The following RABEP1 variants were observed in gnomAD, a reference collection of about 807,000 sequenced individuals.
RABEP1 encodes rab GTPase-binding effector protein 1.
A neutral mutation model predicts 123.4 loss-of-function variants in RABEP1; 51 were observed. The ratio of observed to expected loss-of-function variants is 0.41; its 90% CI spans 0.33 to 0.52. The LOEUF is 0.52. RABEP1 is among the 20% of genes least tolerant of loss of function. The pLI is 0.16. For missense variants in RABEP1, 888 were observed against 996.3 expected (o/e 0.89, Z 1.46); for synonymous variants, 347 against 355.2 (o/e 0.98, Z 0.26).
intron 13 of RABEP1, among the ~76,000 whole-genome samples, chr17:5,374,144 G>C (rs1910779508): frequency 6.6e-6 from 1 of 152,064 alleles, no homozygotes; most frequent in African/African-American, 2.4e-5. Flanking sequence ...TCTGCTCACT[G>C]CAACCTCCGC....
intron 1 of RABEP1, among the ~76,000 whole-genome samples, chr17:5,286,324 T>A (rs1039648346): frequency 6.6e-6 from 1 of 152,102 alleles, no homozygotes; most frequent in Non-Finnish European, 1.5e-5. Context: ...TGAAACCCCA[T>A]CTCTACTAAA....
chr17:5,319,627 T>C (rs575106942), intron 2 of RABEP1, among the ~76,000 whole-genome samples: 8 of 152,178 alleles, frequency 5.3e-5, no homozygotes, highest in African/African-American at 1.9e-4. Flanking sequence ...CCTCCCAAAG[T>C]GTTGGGATTA....
intron 8 of RABEP1, among the ~76,000 whole-genome samples, chr17:5,358,603 G>A (rs1031029127): frequency 1.1e-4 from 16 of 151,804 alleles, no homozygotes; most frequent in Admixed American, 2.0e-4. Context: ...CTCAGGAGAC[G>A]GAGGCTGCAA....
chr17:5,365,606 C>G (rs925788526), intron 11 of RABEP1, among the ~76,000 whole-genome samples: 8 of 151,936 alleles, frequency 5.3e-5, no homozygotes, highest in Non-Finnish European at 2.9e-5. Flanking sequence ...ACCAAACATA[C>G]CAGAACCAAC....
intron 1 of RABEP1, among the ~76,000 whole-genome samples, chr17:5,308,123 G>A (rs1490750958): frequency 1.3e-5 from 2 of 151,986 alleles, no homozygotes; most frequent in African/African-American, 2.4e-5. Flanking sequence ...CACTTTAGAA[G>A]CTCTTTTTTT....
intron 13 of RABEP1, among the ~76,000 whole-genome samples, chr17:5,374,635 TTTTTA>T (rs541747952): frequency 5.1e-4 from 76 of 149,600 alleles, no homozygotes; most frequent in Middle Eastern, 3.4e-3. Context: ...TTTTTATTAT[TTTTTA>T]TTTTATTTTT....
rs574503105 is a variant in RABEP1, at chr17:5,363,791, G to T, written c.1668+775G>T. Among the ~76,000 whole-genome samples, 254 of 152,296 alleles carry T rather than the reference G, an allele frequency of 1.7e-3. 4 individuals are homozygous for T. The highest frequency in any genetic ancestry group is 3.2e-4 in the Non-Finnish European group (22 of 68,024). The stretch of plus-strand genomic sequence containing the variant: ...AAATTTGTTGAATTAAGGTTAATAA[G>T]TTCCCAGAAATTAAGCTTTGGTAGA... On this transcript the variant is annotated intron_variant, in intron 10 of 17. Coordinates refer to ENST00000537505, the MANE Select transcript of RABEP1 (RefSeq NM_004703.6).
chr17:5,332,145 T>C lies in RABEP1; in HGVS notation c.360T>C (p.Val120=). 6.2e-7 allele frequency: 1 copy of C among 1,613,718 alleles called. No homozygotes were observed. The highest frequency in any genetic ancestry group is 8.5e-7 in the Non-Finnish European group (1 of 1,179,810). ...WREEVASLQA[V]MKETVRDYEH... The stretch of plus-strand genomic sequence containing the variant: ...AAGAAGTTGCTTCACTTCAGGCTGT[T>C]ATGAAAGGTAAAGACAGAGAAAGAT... The change falls in exon 3 of 18, where the codon GTT becomes GTC. Residue 120 remains valine, a synonymous_variant. Coordinates refer to ENST00000537505, the MANE Select transcript of RABEP1 (RefSeq NM_004703.6).
At chr17:5,313,875 G>A (rs755488398) in intron 2 of RABEP1, among the ~76,000 whole-genome samples, 1 of 152,140 alleles carries the variant, frequency 6.6e-6, no homozygotes, top group Non-Finnish European at 1.5e-5. Flanking sequence ...TTTTTGTCTT[G>A]GCCGTTAGCC....
intron 1 of RABEP1, among the ~76,000 whole-genome samples, chr17:5,292,834 A>G (rs903739140): frequency 2.0e-5 from 3 of 151,980 alleles, no homozygotes; most frequent in African/African-American, 4.8e-5. Flanking sequence ...GGCATGCACC[A>G]CCATGCCTCG....
chr17:5,338,819 A>G (rs1277589460), intron 5 of RABEP1, among the ~76,000 whole-genome samples: 1 of 152,182 alleles, frequency 6.6e-6, no homozygotes, highest in Non-Finnish European at 1.5e-5. Flanking sequence ...ATGTAGCTAT[A>G]GTATTGCTGA....
At chr17:5,339,998 C>T (rs949409797) in intron 5 of RABEP1, among the ~76,000 whole-genome samples, 4 of 152,084 alleles carry the variant, frequency 2.6e-5, no homozygotes, top group African/African-American at 9.7e-5. Flanking sequence ...AACTTGAATG[C>T]ACCTTACATA....
At chr17:5,356,806 G>A (rs1322659451) in intron 8 of RABEP1, among the ~76,000 whole-genome samples, 2 of 148,666 alleles carry the variant, frequency 1.3e-5, no homozygotes, top group Non-Finnish European at 3.0e-5. Flanking sequence ...ATCCGCCATC[G>A]TGCCCAGCTA....
At chr17:5,344,371 G>A (rs1016192339) in intron 5 of RABEP1, among the ~76,000 whole-genome samples, 1 of 152,040 alleles carries the variant, frequency 6.6e-6, no homozygotes. Flanking sequence ...CCGGGAGATG[G>A]AGGCTGCAGT....
At chr17:5,322,401 A>G (rs1905463235) in intron 2 of RABEP1, among the ~76,000 whole-genome samples, 1 of 152,204 alleles carries the variant, frequency 6.6e-6, no homozygotes, top group African/African-American at 2.4e-5. Flanking sequence ...AAAAAGGGTC[A>G]TATAATAATA....
intron 14 of RABEP1, 56 bp from the exon 15 acceptor site, chr17:5,378,121 A>G (rs1911150102): frequency 1.3e-5 from 18 of 1,396,672 alleles, no homozygotes; most frequent in Middle Eastern, 4.0e-4. Context: ...TAAAGAAAAA[A>G]ATGTTCATGC....
At chr17:5,378,920 C>G (rs975041214) in intron 15 of RABEP1, among the ~76,000 whole-genome samples, 2 of 152,182 alleles carry the variant, frequency 1.3e-5, no homozygotes, top group Non-Finnish European at 2.9e-5. Flanking sequence ...CCCACCACAC[C>G]TGTCCCTATG....
intron 2 of RABEP1, among the ~76,000 whole-genome samples, chr17:5,329,144 A>G (rs138494871): frequency 8.0e-5 from 12 of 150,144 alleles, no homozygotes; most frequent in African/African-American, 2.9e-4. Flanking sequence ...AACTGTCCAT[A>G]TTTTTAGAGA....
intron 8 of RABEP1, among the ~76,000 whole-genome samples, chr17:5,354,890 G>C (rs1364960805): frequency 6.6e-6 from 1 of 152,172 alleles, no homozygotes; most frequent in Non-Finnish European, 1.5e-5. Flanking sequence ...GTATTAACCA[G>C]TATTAGGTTT....
Sources: allele counts gnomAD v4.1 joint callset (sites outside exome capture counted in the v4.1 genomes callset), GRCh38; gene constraint gnomAD v4.1.1; transcripts MANE v1.5; gene names NCBI Gene and HGNC (gene_info 2026-07-23, HGNC 2026-07-21).